The following SORD variants were observed in gnomAD, a reference collection of about 807,000 sequenced individuals.
SORD encodes the protein sorbitol dehydrogenase.
SORD carries 18 observed loss-of-function variants against 35.6 expected under a neutral mutation model. The ratio of observed to expected loss-of-function variants is 0.51; its 90% confidence interval spans 0.35 to 0.75. The LOEUF (loss-of-function observed/expected upper bound fraction) is 0.75, where lower values mean the gene tolerates loss of function less well. SORD is among the 30% of genes least tolerant of loss of function. The pLI is 0.01. For synonymous variants in SORD, 106 were observed against 152.9 expected, an observed-to-expected ratio of 0.69 and a Z score of 2.26; for missense variants, 250 against 390.2, an observed-to-expected ratio of 0.64 and a Z score of 3.03.
chr15:45,024,124 TA>T (rs113887146), intron 1 of SORD, among the ~76,000 whole-genome samples: 9 of 152,182 alleles, frequency 5.9e-5, no homozygotes, highest in African/African-American at 2.2e-4. Context: ...CACCAAAGTT[TA>T]GGAAGTGGCT....
chr15:45,026,179 G>A (rs868814628), intron 1 of SORD, among the ~76,000 whole-genome samples: 1 of 152,182 alleles, frequency 6.6e-6, no homozygotes, highest in Non-Finnish European at 1.5e-5. Context: ...GACCCCGAGT[G>A]TGGTATCACT....
At chr15:45,051,714 G>A (rs949527895) in intron 3 of SORD, among the ~76,000 whole-genome samples, 6 of 152,094 alleles carry the variant, frequency 3.9e-5, no homozygotes, top group African/African-American at 1.2e-4. Context: ...TACTATTAAT[G>A]TCAACCCCAA....
At chr15:45,029,599 G>T (rs897595232) in intron 1 of SORD, among the ~76,000 whole-genome samples, 2 of 152,290 alleles carry the variant, frequency 1.3e-5, no homozygotes, top group Non-Finnish European at 2.9e-5. Flanking sequence ...TAGCAGCTCA[G>T]TTGGCCCCTT....
intron 3 of SORD, among the ~76,000 whole-genome samples, chr15:45,054,436 A>G (rs1893179816): frequency 6.6e-6 from 1 of 152,176 alleles, no homozygotes; most frequent in Non-Finnish European, 1.5e-5. Flanking sequence ...GGCTGCATAA[A>G]TGTCTTCTTT....
intron 3 of SORD, among the ~76,000 whole-genome samples, chr15:45,046,350 C>T (rs1434277225): frequency 1.3e-5 from 2 of 152,166 alleles, no homozygotes; most frequent in African/African-American, 4.8e-5. Flanking sequence ...TCAAGTGATT[C>T]TTGTGCCTCA....
intron 5 of SORD, among the ~76,000 whole-genome samples, chr15:45,067,680 G>A (rs1316227878): frequency 6.6e-6 from 1 of 152,096 alleles, no homozygotes; most frequent in Non-Finnish European, 1.5e-5. Context: ...GGGCTATCTG[G>A]GCACCAGGGC....
chr15:45,060,900 C>T lies in SORD; in HGVS notation c.266-167C>T, dbSNP rs575392783. ...TGGGTCCCCAGGGAGGAGGGTGGCT[C>T]GTTAAGCTAGATTCTCTCATCTGGC... On this transcript the variant is annotated intron_variant, in intron 3 of 8. Transcript: ENST00000267814. 4.0e-5 allele frequency: 58 copies of T among 1,441,138 alleles called. No homozygotes were observed. In the Middle Eastern group the frequency reaches 5.7e-4, roughly 14 times the overall value. The allele number at this position is 1,441,138 out of a possible 1,614,324, so 89.3% of individuals were successfully genotyped here. A position where few individuals can be genotyped will look rare whatever the true frequency, so the allele number is the denominator to read the frequency against.
At chr15:45,058,115 T>C (rs1282639110) in intron 3 of SORD, among the ~76,000 whole-genome samples, 1 of 152,130 alleles carries the variant, frequency 6.6e-6, no homozygotes, top group East Asian at 1.9e-4. Context: ...ATAGGAGACA[T>C]GATAGTCACA....
At chr15:45,029,471 G>A (rs1353791787) in intron 1 of SORD, among the ~76,000 whole-genome samples, 2 of 152,280 alleles carry the variant, frequency 1.3e-5, no homozygotes, top group African/African-American at 4.8e-5. Context: ...ACTGACACAG[G>A]AGCAAGCTCC....
At chr15:45,062,403 G>C (rs1242215881) in intron 4 of SORD, among the ~76,000 whole-genome samples, 1 of 152,206 alleles carries the variant, frequency 6.6e-6, no homozygotes, top group African/African-American at 2.4e-5. Flanking sequence ...TGGAGCTCTA[G>C]GGTGCCGAAG....
At chr15:45,056,851 C>T (rs1313486854) in intron 3 of SORD, among the ~76,000 whole-genome samples, 1 of 152,180 alleles carries the variant, frequency 6.6e-6, no homozygotes, top group Non-Finnish European at 1.5e-5. Flanking sequence ...TAAAAGGGAT[C>T]ATTGGTTCCA....
chr15:45,066,416 T>C (rs1274978186), intron 5 of SORD, among the ~76,000 whole-genome samples: 2 of 151,942 alleles, frequency 1.3e-5, no homozygotes, highest in Non-Finnish European at 1.5e-5. Context: ...GAAATATTTT[T>C]GATAGTAAAG....
chr15:45,070,036 T>G (rs1278255431), intron 7 of SORD: 2 of 152,126 alleles, frequency 1.3e-5, no homozygotes, highest in Non-Finnish European at 2.9e-5. Flanking sequence ...GTACGCCAGG[T>G]TCTCTGCTGT....
Position 45,075,368 on chromosome 15 carries a change from C to T in SORD, c.*1838C>T, listed in dbSNP as rs112523123. On this transcript the variant is annotated 3_prime_UTR_variant, in exon 9 of 9. Transcript: ENST00000267814. ...CTTTCAGGTGCCCAGAGAAGGAGCT[C>T]CAGTGTCTGCTTCAGCCAGGGCTTT... 0.078 allele frequency: 10,424 copies of T among 134,178 alleles called. 1,145 individuals carry two copies. Among genetic ancestry groups the T allele is most frequent in the Non-Finnish European group, 0.1 (6,742 of 67,342 alleles). The allele number at this position is 134,178 out of a possible 1,614,324, so 8.3% of individuals were successfully genotyped here. A position where few individuals can be genotyped will look rare whatever the true frequency, so the allele number is the denominator to read the frequency against.
chr15:45,065,228 G>A, intron 4 of SORD, 43 bp from the exon 5 acceptor site: 2 of 1,369,530 alleles, frequency 1.5e-6, no homozygotes, highest in Non-Finnish European at 2.1e-6. Context: ...TGTTAGCATT[G>A]TAGTTAACTC....
At chr15:45,037,690 C>G (rs992682377) in intron 1 of SORD, among the ~76,000 whole-genome samples, 1 of 152,032 alleles carries the variant, frequency 6.6e-6, no homozygotes, top group Non-Finnish European at 1.5e-5. Flanking sequence ...TCTCAGCAAA[C>G]TAACACAGGA....
At position 45,045,744 on chromosome 15, in the gene SORD, C is replaced by A. The variant is rs146561686; in HGVS notation, c.265+2323C>A. On this transcript the variant is annotated intron_variant, in intron 3 of 8. Coordinates refer to ENST00000267814, the MANE Select transcript of SORD (RefSeq NM_003104.6). ...CTTGGCTGGGCATGGTGGCTTACAC[C>A]TGTAATCTCAGCACTTTGGGAGGCC... Among the ~76,000 whole-genome samples, 81 of 152,162 alleles carry A rather than the reference C, an allele frequency of 5.3e-4. 3 individuals carry two copies. The East Asian group carries it at 0.015, about 29-fold the overall frequency.
At chr15:45,067,164 C>T (rs111470196) in intron 5 of SORD, among the ~76,000 whole-genome samples, 1 of 152,102 alleles carries the variant, frequency 6.6e-6, no homozygotes, top group South Asian at 2.1e-4. Flanking sequence ...GAGTTTGAGA[C>T]CAGCCTGGCC....
chr15:45,070,502 C>T (rs796994048), intron 7 of SORD: 47 of 152,864 alleles, frequency 3.1e-4, no homozygotes, highest in Non-Finnish European at 5.8e-4. Flanking sequence ...GAGGGAGGAG[C>T]GGGTGCCACC....
Sources: allele counts gnomAD v4.1 joint callset (sites outside exome capture counted in the v4.1 genomes callset), GRCh38; gene constraint gnomAD v4.1.1; transcripts MANE v1.5; gene names NCBI Gene and HGNC (gene_info 2026-07-23, HGNC 2026-07-21).